TTC28: variants seen among roughly 807,000 people sequenced by gnomAD.
TTC28 encodes tetratricopeptide repeat domain 28, also known as tetratricopeptide repeat protein 28.
Under a neutral mutation model 198.0 loss-of-function variants are expected in TTC28, and 61 were observed. The ratio of observed to expected loss-of-function variants is 0.31; its 90% CI spans 0.25 to 0.38. The LOEUF is 0.38. Ranked by LOEUF, TTC28 falls within the 10% of genes least tolerant of loss-of-function variation. TTC28 has a pLI of 1.00. For synonymous variants in TTC28, 1,171 were observed against 1,297.8 expected (o/e 0.90, Z 2.10); for missense variants, 2,678 against 3,164.0 (o/e 0.85, Z 3.69).
At chr22:28,001,840 G>T in intron 14 of TTC28, 1 of 444,594 alleles carries the variant, frequency 2.2e-6, no homozygotes. Context: ...ACCTGAAGTG[G>T]GTTGGAGACC....
intron 13 of TTC28, among the ~76,000 whole-genome samples, chr22:28,020,803 G>A (rs3065648): frequency 2.3e-4 from 31 of 136,030 alleles, no homozygotes; most frequent in South Asian, 5.1e-4. Context: ...ACACACACAC[G>A]CACACACACA....
At chr22:28,187,179 G>A (rs558199777) in intron 5 of TTC28, among the ~76,000 whole-genome samples, 2 of 152,248 alleles carry the variant, frequency 1.3e-5, no homozygotes, top group East Asian at 1.9e-4. Context: ...TTGAGCAAGA[G>A]TGAGAGGAAC....
chr22:28,380,173 C>A (rs2046473413), intron 2 of TTC28, among the ~76,000 whole-genome samples: 1 of 151,794 alleles, frequency 6.6e-6, no homozygotes, highest in Admixed American at 6.6e-5. Context: ...AGAAGAAAGC[C>A]TGACTAGCAT....
rs1052511278 is a variant in TTC28, at chr22:27,996,171, C to T, written c.5208G>A (p.Glu1736=). Residue 1736 remains glutamate, a synonymous_variant, in exon 17 of 23, where the codon GAG becomes GAA. Coordinates refer to ENST00000397906, the MANE Select transcript of TTC28 (RefSeq NM_001145418.2). ...QALTEILQHP[E]RARDALRVLL... is the part of the protein sequence containing the mutation. ...GCACTCGCAGGGCGTCCCGCGCACG[C>T]TCCGGGTGCTGCAGGATCTCTGTGA... 1.3e-6 allele frequency: 2 copies of T among 1,551,030 alleles called. No individual in the cohort carries two copies. Among genetic ancestry groups the T allele is most frequent in the Non-Finnish European group, 1.7e-6 (2 of 1,147,008 alleles).
At chr22:28,656,252 G>A (rs1012049059) in intron 1 of TTC28, among the ~76,000 whole-genome samples, 1 of 152,150 alleles carries the variant, frequency 6.6e-6, no homozygotes, top group East Asian at 1.9e-4. Context: ...GGACTCTAAA[G>A]GAAGCTTGAT....
At chr22:28,459,544 C>A (rs2047916901) in intron 2 of TTC28, among the ~76,000 whole-genome samples, 1 of 152,158 alleles carries the variant, frequency 6.6e-6, no homozygotes, top group African/African-American at 2.4e-5. Context: ...GCCACCGACC[C>A]CCCTCCTTCA....
At chr22:27,995,466 T>C (rs1937535353) in intron 17 of TTC28, among the ~76,000 whole-genome samples, 1 of 152,180 alleles carries the variant, frequency 6.6e-6, no homozygotes. Context: ...TGAAACAAGT[T>C]TGATGTCACT....
intron 5 of TTC28, among the ~76,000 whole-genome samples, chr22:28,295,420 T>C (rs1307911553): frequency 6.6e-6 from 1 of 152,236 alleles, no homozygotes; most frequent in Admixed American, 6.5e-5. Flanking sequence ...TGGAATGCCA[T>C]TATGGAAATC....
At chr22:28,169,149 C>G (rs61317772) in intron 5 of TTC28, among the ~76,000 whole-genome samples, 2,124 of 152,150 alleles carry the variant, frequency 0.014, 67 homozygotes, top group African/African-American at 0.049. Context: ...GTTAGAATGG[C>G]GATCATTAAA....
chr22:28,353,006 A>C (rs1196066041), intron 2 of TTC28, among the ~76,000 whole-genome samples: 3 of 152,158 alleles, frequency 2.0e-5, no homozygotes, highest in Admixed American at 1.3e-4. Flanking sequence ...GGGGTAGGGA[A>C]CCTCAACAGG....
rs759737261 is a variant in TTC28, at chr22:28,163,291, C to T, written c.1242G>A (p.Met414Ile). The stretch of plus-strand genomic sequence containing the variant: ...GCTCCAGGACATAGTTATGGTAAGA[C>T]ATGGCCTTGTCAAAGTTCCTCCGGT... Reference protein sequence around the residue: ...YHYRRNFDKAMSYHNYVLELA... With the variant: ...YHYRRNFDKAISYHNYVLELA... Residue 414 changes from methionine (M) to isoleucine (I), a missense_variant, in exon 6 of 23, where the codon ATG (methionine) becomes ATA (isoleucine). By Grantham distance (10) the Met-to-Ile change is conservative (BLOSUM62 1). This residue lies in a region of TTC28 where 775 missense variants were observed against 845.9 expected (regional missense o/e 0.92). Coordinates refer to ENST00000397906, the MANE Select transcript of TTC28 (RefSeq NM_001145418.2). The T allele has an allele frequency of 1.9e-6, 3 of 1,552,004 alleles. No homozygotes were observed. In the South Asian group the frequency reaches 3.6e-5, roughly 18 times the overall value.
At chr22:28,187,101 T>C (rs1260677255) in intron 5 of TTC28, among the ~76,000 whole-genome samples, 1 of 152,204 alleles carries the variant, frequency 6.6e-6, no homozygotes, top group African/African-American at 2.4e-5. Flanking sequence ...AGTGACTTCA[T>C]TCTGTAGTTG....
At chr22:28,638,812 G>C (rs1033861929) in intron 1 of TTC28, among the ~76,000 whole-genome samples, 3 of 152,102 alleles carry the variant, frequency 2.0e-5, no homozygotes, top group African/African-American at 7.2e-5. Flanking sequence ...AGGGGGTAAG[G>C]AAAAAGTTAT....
At chr22:28,673,202 G>A (rs541572651) in intron 1 of TTC28, among the ~76,000 whole-genome samples, 109 of 152,140 alleles carry the variant, frequency 7.2e-4, no homozygotes, top group Non-Finnish European at 1.1e-3. Flanking sequence ...GTGAAACCCC[G>A]TCTCTACTAA....
At chr22:28,593,473 G>GTAGGTAGGTAGGTAGGTAGGTAGC (rs2050475532) in intron 2 of TTC28, among the ~76,000 whole-genome samples, 1 of 52,356 alleles carries the variant, frequency 1.9e-5, no homozygotes, top group Non-Finnish European at 4.1e-5. Flanking sequence ...AGGTAGCTAG[G>GTAGGTAGGTAGGTAGGTAGGTAGC]TAGGTAGGTA....
At chr22:28,553,411 A>G (rs1181912869) in intron 2 of TTC28, among the ~76,000 whole-genome samples, 1 of 144,430 alleles carries the variant, frequency 6.9e-6, no homozygotes, top group Non-Finnish European at 1.5e-5. Context: ...CCATCGTCTG[A>G]GATGTGGGGA....
At chr22:28,208,456 C>T (rs1347055315) in intron 5 of TTC28, among the ~76,000 whole-genome samples, 1 of 152,124 alleles carries the variant, frequency 6.6e-6, no homozygotes, top group African/African-American at 2.4e-5. Flanking sequence ...GAACCAGGTT[C>T]AAGCCCCAGC....
intron 6 of TTC28, among the ~76,000 whole-genome samples, chr22:28,152,954 T>C (rs1943644945): frequency 6.6e-6 from 1 of 152,162 alleles, no homozygotes; most frequent in Non-Finnish European, 1.5e-5. Context: ...TTTATTTATT[T>C]AGGATACTAG....
rs143571256 is a variant in TTC28, at chr22:28,317,010, G to A, written c.382-10367C>T. 9.3e-3 allele frequency among the ~76,000 whole-genome samples: 1,422 copies of A among 152,234 alleles called. 33 individuals are homozygous for A. The highest frequency in any genetic ancestry group is 0.071 in the East Asian group (368 of 5,186). On this transcript the variant is annotated intron_variant, in intron 2 of 22. Transcript: ENST00000397906. ...GCTGGTCTCAAACTTCTGGGCTCAAGTGATCCTCCTGCCTTGGCCTCCTAA... is the reference window on the plus strand; with the variant it reads ...GCTGGTCTCAAACTTCTGGGCTCAAATGATCCTCCTGCCTTGGCCTCCTAA...
Sources: gnomAD v4.1 joint callset for allele counts (sites outside exome capture counted in the v4.1 genomes callset) on GRCh38, gnomAD v4.1.1 for gene constraint, gnomAD v4.1.1 regional missense constraint, MANE v1.5 for transcripts, NCBI Gene and HGNC (gene_info 2026-07-23, HGNC 2026-07-21) for gene names.